The following STPG4 variants were observed in gnomAD, a reference collection of about 807,000 sequenced individuals.
STPG4 encodes sperm-tail PG-rich repeat containing 4, also known as protein STPG4.
A neutral mutation model predicts 31.5 loss-of-function variants in STPG4; 41 were observed. That is an observed-to-expected ratio of 1.30 (90% confidence interval 1.01 to 1.69). STPG4 has a LOEUF of 1.69. Ranked by LOEUF, STPG4 falls within the 40% of genes most tolerant of loss-of-function variation. The pLI is 0.00. For synonymous variants in STPG4, 141 were observed against 103.0 expected (o/e 1.37, Z -2.24); for missense variants, 375 against 293.4 (o/e 1.28, Z -2.03).
intron 5 of STPG4, among the ~76,000 whole-genome samples, chr2:47,094,486 C>A (rs1045190438): frequency 9.9e-5 from 15 of 152,192 alleles, no homozygotes; most frequent in African/African-American, 3.6e-4. Context: ...TATTTGAGGG[C>A]AACTTTAACC....
intron 5 of STPG4, among the ~76,000 whole-genome samples, chr2:47,093,584 C>A (rs1370783735): frequency 2.0e-5 from 3 of 152,190 alleles, no homozygotes; most frequent in African/African-American, 7.2e-5. Flanking sequence ...TGCCCCTTTT[C>A]CCCAGGCCTA....
At chr2:47,103,445 A>C (rs1468148953) in intron 5 of STPG4, among the ~76,000 whole-genome samples, 2 of 151,836 alleles carry the variant, frequency 1.3e-5, no homozygotes, top group Non-Finnish European at 2.9e-5. Context: ...AAACCTGGCA[A>C]CCTTGGTGTT....
At chr2:47,117,352 G>A (rs1686173596) in intron 5 of STPG4, among the ~76,000 whole-genome samples, 1 of 152,138 alleles carries the variant, frequency 6.6e-6, no homozygotes, top group African/African-American at 2.4e-5. Context: ...TGGGATTAGA[G>A]GCATGCACCA....
At chr2:47,131,930 C>T (rs765580430) in intron 3 of STPG4, among the ~76,000 whole-genome samples, 4 of 152,110 alleles carry the variant, frequency 2.6e-5, no homozygotes, top group African/African-American at 7.2e-5. Context: ...TTCGGGAAGC[C>T]GAGGCATGTG....
Position 47,151,337 on chromosome 2 carries a change from A to T in STPG4, c.320T>A (p.Leu107Gln), listed in dbSNP as rs2103808208. 6.2e-7 allele frequency: 1 copy of T among 1,614,182 alleles called. No homozygotes were observed. Among genetic ancestry groups the T allele is most frequent in the East Asian group, 2.2e-5 (1 of 44,884 alleles). The change falls in exon 3 of 7, where the codon CTG (leucine) becomes CAG (glutamine). Residue 107 changes from leucine to glutamine, a missense_variant. By Grantham distance (113) the Leu-to-Gln change is moderately radical (BLOSUM62 -2). Coordinates refer to ENST00000445927, the MANE Select transcript of STPG4 (RefSeq NM_001163561.2). Reference protein sequence around the residue: ...PQYMPPDFLDLLKKQVATYSF... With the variant: ...PQYMPPDFLDQLKKQVATYSF... ...GTAAGTAGCCACTTGCTTCTTTAACAGGTCCAGGAAGTCAGGAGGCATATA... is the reference window on the plus strand; with the variant it reads ...GTAAGTAGCCACTTGCTTCTTTAACTGGTCCAGGAAGTCAGGAGGCATATA...
intron 3 of STPG4, among the ~76,000 whole-genome samples, chr2:47,146,912 G>A (rs1686835213): frequency 6.6e-6 from 1 of 152,088 alleles, no homozygotes; most frequent in African/African-American, 2.4e-5. Flanking sequence ...TGAGGCAGGA[G>A]GATCGCTGGA....
chr2:47,105,000 T>C (rs1216605518), intron 5 of STPG4, among the ~76,000 whole-genome samples: 3 of 151,928 alleles, frequency 2.0e-5, no homozygotes, highest in African/African-American at 7.3e-5. Context: ...CCGGATACAG[T>C]GAGATAGCCA....
intron 5 of STPG4, among the ~76,000 whole-genome samples, chr2:47,110,818 T>G (rs1197582878): frequency 6.6e-6 from 1 of 152,240 alleles, no homozygotes; most frequent in African/African-American, 2.4e-5. Context: ...TGGTGCTATT[T>G]TAATAATTTT....
intron 3 of STPG4, among the ~76,000 whole-genome samples, chr2:47,148,269 G>A (rs1206456406): frequency 4.0e-5 from 6 of 151,876 alleles, no homozygotes; most frequent in African/African-American, 1.2e-4. Flanking sequence ...TGCCTAATAA[G>A]ACTGTTCAGT....
intron 5 of STPG4, among the ~76,000 whole-genome samples, chr2:47,122,667 G>A (rs933137347): frequency 1.5e-5 from 2 of 134,420 alleles, no homozygotes; most frequent in Admixed American, 1.7e-4. Context: ...CTGTTTCTGA[G>A]CTCTGTTCAG....
At position 47,091,178 on chromosome 2, in the gene STPG4, G is replaced by C. The variant is rs535886703; in HGVS notation, c.520-804C>G. Among the ~76,000 whole-genome samples the C allele has an allele frequency of 5.3e-5, 8 of 151,808 alleles. No individual in the cohort carries two copies. The East Asian group carries it at 1.5e-3, about 29-fold the overall frequency. On this transcript the variant is annotated intron_variant, in intron 5 of 6. Transcript: ENST00000445927. The stretch of plus-strand genomic sequence containing the variant: ...GGAGGGAGGGAGGGAGGGAGGGGAA[G>C]GAAGGAGAGAGGGAAAGAAGGAAGC...
chr2:47,124,128 G>C (rs1055445204), intron 5 of STPG4, among the ~76,000 whole-genome samples: 2 of 151,928 alleles, frequency 1.3e-5, no homozygotes, highest in Admixed American at 6.6e-5. Context: ...GATTACAGGC[G>C]CATGCCACCA....
intron 5 of STPG4, among the ~76,000 whole-genome samples, chr2:47,123,571 G>A (rs1300374541): frequency 6.6e-6 from 1 of 152,172 alleles, no homozygotes; most frequent in Non-Finnish European, 1.5e-5. Flanking sequence ...TAGGTGACTT[G>A]GGAAGACCTT....
chr2:47,131,499 C>T (rs2881678), intron 3 of STPG4, among the ~76,000 whole-genome samples: 62,432 of 152,034 alleles, frequency 0.41, 14,750 homozygotes, highest in East Asian at 0.74. Context: ...TGGGGTAAAG[C>T]GCAGCACTAG....
intron 5 of STPG4, among the ~76,000 whole-genome samples, chr2:47,097,321 A>C (rs1685693527): frequency 6.6e-6 from 1 of 152,188 alleles, no homozygotes; most frequent in Non-Finnish European, 1.5e-5. Context: ...TTCCCCAGAA[A>C]GCGCACACGT....
At chr2:47,104,938 A>T (rs1238719966) in intron 5 of STPG4, among the ~76,000 whole-genome samples, 2 of 151,926 alleles carry the variant, frequency 1.3e-5, no homozygotes, top group African/African-American at 4.8e-5. Flanking sequence ...TAAGACGTTA[A>T]AACAGTTGAG....
intron 5 of STPG4, among the ~76,000 whole-genome samples, chr2:47,125,947 C>T (rs1484839436): frequency 6.6e-6 from 1 of 152,116 alleles, no homozygotes; most frequent in Non-Finnish European, 1.5e-5. Flanking sequence ...TATGGATATC[C>T]AGTTTTCCTT....
At chr2:47,143,597 T>C (rs1000714348) in intron 3 of STPG4, among the ~76,000 whole-genome samples, 2 of 152,024 alleles carry the variant, frequency 1.3e-5, no homozygotes, top group African/African-American at 4.8e-5. Context: ...GCCATTCTCC[T>C]GCCTCAGCCT....
intron 5 of STPG4, among the ~76,000 whole-genome samples, chr2:47,111,560 G>T (rs1455371846): frequency 1.3e-5 from 2 of 152,160 alleles, no homozygotes; most frequent in Admixed American, 1.3e-4. Flanking sequence ...CCATGCTGTT[G>T]TGAGTGAAGC....
Sources: gnomAD v4.1 joint callset for allele counts (sites outside exome capture counted in the v4.1 genomes callset) on GRCh38, gnomAD v4.1.1 for gene constraint, MANE v1.5 for transcripts, NCBI Gene and HGNC (gene_info 2026-07-23, HGNC 2026-07-21) for gene names.